IGFBP5: variants seen among roughly 807,000 people sequenced by gnomAD.
The protein encoded by IGFBP5 is insulin like growth factor binding protein 5.
A neutral mutation model predicts 28.0 loss-of-function variants in IGFBP5; 12 were observed. The ratio of observed to expected loss-of-function variants is 0.43; its 90% CI spans 0.27 to 0.69. The LOEUF is 0.69. Ranked by LOEUF, IGFBP5 falls within the 30% of genes least tolerant of loss-of-function variation. The pLI, the probability that IGFBP5 is intolerant of heterozygous loss-of-function variation, is 0.20. For synonymous variants in IGFBP5, 152 were observed against 150.2 expected, an observed-to-expected ratio of 1.01 and a Z score of -0.09; for missense variants, 344 against 381.6, an observed-to-expected ratio of 0.90 and a Z score of 0.82.
chr2:216,687,973 T>G (rs1689051473), intron 1 of IGFBP5, among the ~76,000 whole-genome samples: 1 of 152,184 alleles, frequency 6.6e-6, no homozygotes, highest in Non-Finnish European at 1.5e-5. Flanking sequence ...CTTTTTTGAG[T>G]CTTTGGGAGC....
intron 1 of IGFBP5, among the ~76,000 whole-genome samples, chr2:216,682,871 G>A (rs1688992712): frequency 6.6e-6 from 1 of 152,032 alleles, no homozygotes; most frequent in South Asian, 2.1e-4. Flanking sequence ...ACCATGCCCG[G>A]CTAATTTTTT....
rs1424895549 is a variant in IGFBP5, at chr2:216,674,947, C to T, written c.*1804G>A. The stretch of plus-strand genomic sequence containing the variant: ...ATTCTTCCTATCTGGCTTCTAAAGT[C>T]TAGCACCCTCCTAAAGTTACTCACC... On this transcript the variant is annotated 3_prime_UTR_variant, in exon 4 of 4. Transcript: ENST00000233813. This position sits in a 1 kb window ranked among gnomAD's most constrained non-coding sequence, Gnocchi z 4.4. 6.6e-6 allele frequency: 1 copy of T among 152,246 alleles called. No individual in the cohort carries two copies. Among genetic ancestry groups the T allele is most frequent in the Non-Finnish European group, 1.5e-5 (1 of 68,062 alleles). 9.4% of individuals were successfully genotyped at this position (152,246 alleles called of 1,614,324 possible). A position where few individuals can be genotyped will look rare whatever the true frequency, so the allele number is the denominator to read the frequency against.
chr2:216,684,307 C>T (rs893926169), intron 1 of IGFBP5, among the ~76,000 whole-genome samples: 1 of 152,164 alleles, frequency 6.6e-6, no homozygotes, highest in Non-Finnish European at 1.5e-5. Context: ...AAATCTAAAC[C>T]CCCCGCCCCC....
rs1381673214 is a variant in IGFBP5 at position 216,676,658 on chromosome 2, T to C, written c.*93A>G. On this transcript the variant is annotated 3_prime_UTR_variant, in exon 4 of 4. Coordinates refer to ENST00000233813, the MANE Select transcript of IGFBP5 (RefSeq NM_000599.4). ...ATATATATTTTTCCCTTAAATGAGA[T>C]GAAATGAGTGGCGTCCTGGGGTGGA... is the stretch of plus-strand genomic sequence containing the variant. The C allele has an allele frequency of 3.9e-6, 3 of 761,224 alleles. No homozygotes were observed. The East Asian group carries it at 8.4e-5, about 21-fold the overall frequency. 47.2% of individuals were successfully genotyped at this position (761,224 alleles called of 1,614,324 possible).
At position 216,694,752 on chromosome 2, in the gene IGFBP5, G is replaced by A; in HGVS notation, c.24C>T (p.Leu8=). 1.4e-6 allele frequency: 2 copies of A among 1,432,848 alleles called. 1 individual carries two copies. Among genetic ancestry groups the A allele is most frequent in the South Asian group, 3.1e-5 (2 of 63,952 alleles). The allele number at this position is 1,432,848 out of a possible 1,614,324, so 88.8% of individuals were successfully genotyped here. The change falls in exon 1 of 4, where the codon CTC becomes CTT. Residue 8 remains leucine (L), a synonymous_variant. Coordinates refer to ENST00000233813, the MANE Select transcript of IGFBP5 (RefSeq NM_000599.4). This position sits in a 1 kb window ranked among gnomAD's most constrained non-coding sequence, Gnocchi z 5.2. ...GCCCCGCATAGGCGGCCAGCAGCAG[G>A]AGGACCGCGGTGAGCAACACCATCT... is the stretch of plus-strand genomic sequence containing the variant. MVLLTAV[L]LLLAAYAGPA... is the part of the protein sequence containing the mutation.
rs1689139448 is a variant in IGFBP5 at position 216,694,251 on chromosome 2, G to T, written c.337+188C>A. The stretch of plus-strand genomic sequence containing the variant: ...AAGAGCGAAAGCTGGGATAGACTCG[G>T]CTAGACAGTTCCCCCGGGTAGCAGG... On this transcript the variant is annotated intron_variant, in intron 1 of 3. Transcript: ENST00000233813. This position sits in a 1 kb window ranked among gnomAD's most constrained non-coding sequence, Gnocchi z 5.2. Among the ~76,000 whole-genome samples the T allele has an allele frequency of 1.3e-5, 2 of 152,114 alleles. No homozygotes were observed. Among genetic ancestry groups the T allele is most frequent in the Non-Finnish European group, 2.9e-5 (2 of 68,012 alleles).
Position 216,694,323 on chromosome 2 carries a change from CT to C in IGFBP5, c.337+115del. On this transcript the variant is annotated intron_variant, in intron 1 of 3. Coordinates refer to ENST00000233813, the MANE Select transcript of IGFBP5 (RefSeq NM_000599.4). The surrounding 1 kb of genome is among the most constrained non-coding windows in gnomAD (Gnocchi z 5.2). ...GGGGTGCAAGGACCCTCCCCGACTA[CT>C]CCCGAGCTGCACCCCAGCTCGAAGC... is the stretch of plus-strand genomic sequence containing the variant. The C allele has an allele frequency of 3.5e-6, 3 of 854,436 alleles. No homozygotes were observed. Among genetic ancestry groups the C allele is most frequent in the Non-Finnish European group, 5.1e-6 (3 of 583,300 alleles). 52.9% of individuals were successfully genotyped at this position (854,436 alleles called of 1,614,324 possible). A position where few individuals can be genotyped will look rare whatever the true frequency, so the allele number is the denominator to read the frequency against.
In IGFBP5 at chr2:216,695,284, G is replaced by T. The variant is rs1278356540; in HGVS notation, c.-509C>A. ...CGGCGCCGCAGAACAGGTAAGAGGC[G>T]TTGGCTGCAGCCGAGAGGGTGGGAG... On this transcript the variant is annotated 5_prime_UTR_variant, in exon 1 of 4. Transcript: ENST00000233813. 6.6e-6 allele frequency: 1 copy of T among 152,474 alleles called. No individual in the cohort carries two copies. Among genetic ancestry groups the T allele is most frequent in the Non-Finnish European group, 1.5e-5 (1 of 68,252 alleles). The allele number at this position is 152,474 out of a possible 1,614,324, so 9.4% of individuals were successfully genotyped here.
Position 216,679,862 on chromosome 2 carries a change from C to T in IGFBP5, c.338-783G>A, listed in dbSNP as rs564699515. On this transcript the variant is annotated intron_variant, in intron 1 of 3. Coordinates refer to ENST00000233813, the MANE Select transcript of IGFBP5 (RefSeq NM_000599.4). The surrounding 1 kb of genome is among the most constrained non-coding windows in gnomAD (Gnocchi z 4.6). ...TACTCAGCTCTGGACTGAGAGAGGCCGACAGCTGGCTGAGACCGGGACAGT... is the reference window on the plus strand; with the variant it reads ...TACTCAGCTCTGGACTGAGAGAGGCTGACAGCTGGCTGAGACCGGGACAGT... Among the ~76,000 whole-genome samples the T allele has an allele frequency of 1.6e-3, 240 of 152,218 alleles. 1 individual carries two copies. Among genetic ancestry groups the T allele is most frequent in the Non-Finnish European group, 2.7e-3 (181 of 68,004 alleles).
At position 216,679,040 on chromosome 2, in the gene IGFBP5, T is replaced by G; in HGVS notation, c.377A>C (p.Glu126Ala). The G allele has an allele frequency of 6.2e-7, 1 of 1,614,124 alleles. No individual in the cohort carries two copies. Among genetic ancestry groups the G allele is most frequent in the Non-Finnish European group, 8.5e-7 (1 of 1,180,034 alleles). ...SREHEEPTTS[E>A]MAEETYSPKI... Reference sequence around the variant, plus strand: ...GGGGGAGTAGGTCTCCTCGGCCATCTCAGAGGTGGTGGGCTCCTCGTGCTC... The same window carrying G: ...GGGGGAGTAGGTCTCCTCGGCCATCGCAGAGGTGGTGGGCTCCTCGTGCTC... The change falls in exon 2 of 4, where the codon GAG becomes GCG. Residue 126 changes from glutamate to alanine, a missense_variant. Coordinates refer to ENST00000233813, the MANE Select transcript of IGFBP5 (RefSeq NM_000599.4). This position sits in a 1 kb window ranked among gnomAD's most constrained non-coding sequence, Gnocchi z 4.6.
intron 1 of IGFBP5, among the ~76,000 whole-genome samples, chr2:216,682,594 A>C (rs1304493390): frequency 6.6e-6 from 1 of 152,192 alleles, no homozygotes; most frequent in African/African-American, 2.4e-5. Flanking sequence ...AAAGAACTCA[A>C]CAGTCTGCTC....
At chr2:216,683,426 A>G (rs978121850) in intron 1 of IGFBP5, among the ~76,000 whole-genome samples, 6 of 152,214 alleles carry the variant, frequency 3.9e-5, no homozygotes, top group Non-Finnish European at 8.8e-5. Context: ...TACTTCTGCA[A>G]TAATCATTCA....
chr2:216,692,614 C>T lies in IGFBP5; in HGVS notation c.337+1825G>A, dbSNP rs993930880. ...AATCAATTAATGTTTTCCTTCTCCG[C>T]TAGGCTTTTCCAAATCCACATCCCC... is the stretch of plus-strand genomic sequence containing the variant. On this transcript the variant is annotated intron_variant, in intron 1 of 3. Coordinates refer to ENST00000233813, the MANE Select transcript of IGFBP5 (RefSeq NM_000599.4). The surrounding 1 kb of genome is among the most constrained non-coding windows in gnomAD (Gnocchi z 4.2). 2.0e-5 allele frequency among the ~76,000 whole-genome samples: 3 copies of T among 152,166 alleles called. 1 individual carries two copies. Among genetic ancestry groups the T allele is most frequent in the Non-Finnish European group, 4.4e-5 (3 of 68,028 alleles).
In IGFBP5 at chr2:216,675,393, T is replaced by C. The variant is rs1688882367; in HGVS notation, c.*1358A>G. The C allele has an allele frequency of 6.6e-6, 1 of 152,652 alleles. No homozygotes were observed. The highest frequency in any genetic ancestry group is 1.5e-5 in the Non-Finnish European group (1 of 68,146). The allele number at this position is 152,652 out of a possible 1,614,324, so 9.5% of individuals were successfully genotyped here. ...CCATCGTGGACCTGTTGGGCTCATGTGGTGTGGTGTCCGGAGACTGTGACT... is the reference window on the plus strand; with the variant it reads ...CCATCGTGGACCTGTTGGGCTCATGCGGTGTGGTGTCCGGAGACTGTGACT... On this transcript the variant is annotated 3_prime_UTR_variant, in exon 4 of 4. Transcript: ENST00000233813.
rs1005741703 is a variant in IGFBP5, at chr2:216,673,210, C to T, written c.*3541G>A. On this transcript the variant is annotated 3_prime_UTR_variant, in exon 4 of 4. Transcript: ENST00000233813. The surrounding 1 kb of genome is among the most constrained non-coding windows in gnomAD (Gnocchi z 4.3). ...GTGGCGGGAGCAGGTGGTTGAGGCC[C>T]ACCCTCTAGGGGAGGCCAGCCCTGT... is the stretch of plus-strand genomic sequence containing the variant. The T allele has an allele frequency of 6.6e-5, 10 of 152,562 alleles. No individual in the cohort carries two copies. The highest frequency in any genetic ancestry group is 2.4e-4 in the African/African-American group (10 of 41,474). 9.5% of individuals were successfully genotyped at this position (152,562 alleles called of 1,614,324 possible). A position where few individuals can be genotyped will look rare whatever the true frequency, so the allele number is the denominator to read the frequency against.
chr2:216,679,094 G>A lies in IGFBP5; in HGVS notation c.338-15C>T. On this transcript the variant is annotated splice_polypyrimidine_tract_variant and intron_variant, in intron 1 of 3. Coordinates refer to ENST00000233813, the MANE Select transcript of IGFBP5 (RefSeq NM_000599.4). The surrounding 1 kb of genome is among the most constrained non-coding windows in gnomAD (Gnocchi z 4.6). Reference sequence around the variant, plus strand: ...GGAGTCTCTCTCTGCAGGAGAAGGAGCCGGAGGGTCAGCCCCCGTGGGCCA... The same window carrying A: ...GGAGTCTCTCTCTGCAGGAGAAGGAACCGGAGGGTCAGCCCCCGTGGGCCA... 6.2e-7 allele frequency: 1 copy of A among 1,612,050 alleles called. No individual in the cohort carries two copies. The highest frequency in any genetic ancestry group is 8.5e-7 in the Non-Finnish European group (1 of 1,178,156).
chr2:216,684,151 C>T (rs543646759), intron 1 of IGFBP5, among the ~76,000 whole-genome samples: 11 of 152,340 alleles, frequency 7.2e-5, no homozygotes, highest in Non-Finnish European at 1.0e-4. Flanking sequence ...AATTGCACAA[C>T]GCATGTACCC....
chr2:216,686,549 G>A (rs977306858), intron 1 of IGFBP5, among the ~76,000 whole-genome samples: 2 of 151,948 alleles, frequency 1.3e-5, no homozygotes, highest in Non-Finnish European at 2.9e-5. Flanking sequence ...CCCAGGAGTT[G>A]GAGGCTGCAG....
intron 1 of IGFBP5, among the ~76,000 whole-genome samples, chr2:216,693,448 T>TG (rs1689125659): frequency 3.5e-4 from 2 of 5,764 alleles, no homozygotes; most frequent in South Asian, 0.015. Context: ...GAGGGCGGGG[T>TG]GGGGGGATTG....
Sources: allele counts gnomAD v4.1 joint callset (sites outside exome capture counted in the v4.1 genomes callset), GRCh38; gene constraint gnomAD v4.1.1; non-coding constraint Gnocchi (gnomAD v3.1); transcripts MANE v1.5; gene names NCBI Gene and HGNC (gene_info 2026-07-23, HGNC 2026-07-21).